MID1: variants seen among roughly 807,000 people sequenced by gnomAD.
The protein encoded by MID1 is midline 1, also known as E3 ubiquitin-protein ligase Midline-1.
In MID1, 7 loss-of-function variants were observed where a neutral mutation model predicts 40.4. That is an observed-to-expected ratio of 0.17 (90% confidence interval 0.10 to 0.33). MID1 has a LOEUF of 0.33. MID1 is among the 10% of genes least tolerant of loss of function. The probability of loss-of-function intolerance (pLI) is 1.00; values close to 1 mark genes in which losing one functional copy is unlikely to be tolerated. For missense variants in MID1, 367 were observed against 558.5 expected, an observed-to-expected ratio of 0.66 and a Z score of 3.46; for synonymous variants, 229 against 221.2, an observed-to-expected ratio of 1.04 and a Z score of -0.31.
At chrX:10,711,564 A>G (rs1202306090) in intron 1 of MID1, among the ~76,000 whole-genome samples, 2 of 112,378 alleles carry the variant, frequency 1.8e-5, no homozygotes, top group East Asian at 2.8e-4. Context: ...AAGTAGCCCA[A>G]AGTAAAATTA....
intron 1 of MID1, among the ~76,000 whole-genome samples, chrX:10,764,051 A>C (rs1414857794): frequency 8.9e-6 from 1 of 111,825 alleles, no homozygotes; most frequent in Non-Finnish European, 1.9e-5. Context: ...AGTTCATTGT[A>C]GATTCTGGAT....
At chrX:10,651,059 A>G in intron 1 of MID1, among the ~76,000 whole-genome samples, 1 of 111,888 alleles carries the variant, frequency 8.9e-6, no homozygotes. Context: ...GGTTTATTTA[A>G]TGTTCATATC....
intron 9 of MID1, among the ~76,000 whole-genome samples, chrX:10,449,957 G>T (rs758492733): frequency 8.9e-6 from 1 of 111,963 alleles, no homozygotes; most frequent in East Asian, 2.8e-4. Context: ...CCACATTTCT[G>T]TTTTCAGCTC....
chrX:10,533,391 A>AAAGAAAAG (rs1569089898), intron 2 of MID1, among the ~76,000 whole-genome samples: 4 of 55,077 alleles, frequency 7.3e-5, no homozygotes, highest in African/African-American at 7.8e-5. Context: ...AGAAAGAAAG[A>AAAGAAAAG]AAAGAAAGAA....
At chrX:10,662,380 T>C (rs2042920502) in intron 1 of MID1, among the ~76,000 whole-genome samples, 1 of 110,262 alleles carries the variant, frequency 9.1e-6, no homozygotes, top group African/African-American at 3.3e-5. Context: ...TTTAACTCCA[T>C]AGTTAAAACC....
intron 1 of MID1, among the ~76,000 whole-genome samples, chrX:10,746,173 A>G (rs1291121433): frequency 8.9e-6 from 1 of 112,108 alleles, no homozygotes; most frequent in Non-Finnish European, 1.9e-5. Context: ...GAAAGTGCAG[A>G]GTATGCTTGG....
intron 2 of MID1, among the ~76,000 whole-genome samples, chrX:10,531,588 A>C (rs1242312271): frequency 8.9e-6 from 1 of 112,411 alleles, no homozygotes; most frequent in Admixed American, 9.4e-5. Context: ...ACACCACAGA[A>C]TCTGTTCCAT....
chrX:10,590,421 T>TA (rs1935266766), intron 1 of MID1, among the ~76,000 whole-genome samples: 1 of 111,518 alleles, frequency 9.0e-6, no homozygotes, highest in South Asian at 3.9e-4. Context: ...GTGGGTGCCC[T>TA]GTGCCACTCT....
chrX:10,563,498 TATATGTTATGTGGTTC>T (rs1464672909), intron 2 of MID1, among the ~76,000 whole-genome samples: 1 of 112,236 alleles, frequency 8.9e-6, no homozygotes, highest in Non-Finnish European at 1.9e-5. Flanking sequence ...TAAATTCTCT[TATATGTTATGTGGTTC>T]ACAAATCAAA....
intron 5 of MID1, chrX:10,475,093 C>T (rs778565780): frequency 3.0e-4 from 103 of 340,030 alleles, no homozygotes; most frequent in Admixed American, 2.0e-3. Context: ...GCAAGAAGCG[C>T]GTAGCTCTAG....
chrX:10,525,845 C>G (rs1220036889), intron 2 of MID1, among the ~76,000 whole-genome samples: 1 of 111,799 alleles, frequency 8.9e-6, no homozygotes. Context: ...GCTCTTGCCA[C>G]ATGTGATGTT....
intron 1 of MID1, among the ~76,000 whole-genome samples, chrX:10,766,100 A>G (rs972412276): frequency 9.0e-6 from 1 of 111,439 alleles, no homozygotes; most frequent in Admixed American, 9.5e-5. Flanking sequence ...CCAAGGGGAG[A>G]CAGGCAGGGT....
At chrX:10,701,140 G>T (rs750546512) in intron 1 of MID1, among the ~76,000 whole-genome samples, 2 of 111,923 alleles carry the variant, frequency 1.8e-5, no homozygotes, top group South Asian at 7.4e-4. Context: ...TGCAAGCAAA[G>T]GTTAGAGCAA....
At chrX:10,628,282 G>T (rs1434225607) in intron 1 of MID1, among the ~76,000 whole-genome samples, 1 of 110,525 alleles carries the variant, frequency 9.0e-6, no homozygotes, top group Non-Finnish European at 1.9e-5. Context: ...GCAAACATGG[G>T]TATCAGTGCC....
In MID1 at chrX:10,749,400, C is replaced by A. The variant is rs112819623; in HGVS notation, c.-187+84154G>T. 4.6e-3 allele frequency among the ~76,000 whole-genome samples: 510 copies of A among 111,735 alleles called. 5 individuals are homozygous for A. Among genetic ancestry groups the A allele is most frequent in the African/African-American group, 0.016 (482 of 30,768 alleles). On this transcript the variant is annotated intron_variant, in intron 1 of 10. Coordinates refer to the MID1 transcript ENST00000380785. ...CCCCACCCTGCTGAGTCAGAGCATG[C>A]CTTTTACCAGGATGGTTTATGTGCA... is the stretch of plus-strand genomic sequence containing the variant.
At chrX:10,737,764 CA>C (rs1190082305) in intron 1 of MID1, among the ~76,000 whole-genome samples, 2 of 108,557 alleles carry the variant, frequency 1.8e-5, no homozygotes, top group East Asian at 2.9e-4. Context: ...AAAGGGTTGG[CA>C]AAAAGATGGG....
At chrX:10,512,611 A>G (rs1045518696) in intron 3 of MID1, among the ~76,000 whole-genome samples, 3 of 111,904 alleles carry the variant, frequency 2.7e-5, no homozygotes, top group African/African-American at 9.7e-5. Flanking sequence ...GTTGCTGTGA[A>G]ACTGGAACAG....
intron 1 of MID1, among the ~76,000 whole-genome samples, chrX:10,571,165 T>G (rs1203323222): frequency 8.9e-6 from 1 of 112,664 alleles, no homozygotes; most frequent in Admixed American, 9.4e-5. Flanking sequence ...TAGTGCTTTA[T>G]GCAAGTGTCT....
At chrX:10,752,891 A>G (rs1269800387) in intron 1 of MID1, among the ~76,000 whole-genome samples, 1 of 112,073 alleles carries the variant, frequency 8.9e-6, no homozygotes, top group Admixed American at 9.5e-5. Flanking sequence ...CCCTTCCCCT[A>G]CCTGTCGTGC....
Sources: allele counts gnomAD v4.1 joint callset (sites outside exome capture counted in the v4.1 genomes callset), GRCh38; gene constraint gnomAD v4.1.1; transcripts MANE v1.5; gene names NCBI Gene and HGNC (gene_info 2026-07-23, HGNC 2026-07-21).